Variants in PABPC1 observed in about 807,000 individuals in gnomAD.
PABPC1 encodes poly(A) binding protein cytoplasmic 1, also known as polyadenylate-binding protein 1.
In PABPC1, 4 loss-of-function variants were observed where a neutral mutation model predicts 74.0. The observed-to-expected ratio is 0.05, with a 90% confidence interval of 0.03 to 0.12. PABPC1 has a LOEUF of 0.12. Among genes scored for constraint, PABPC1 ranks in the 10% least tolerant of loss-of-function variants. PABPC1 has a pLI of 1.00. For missense variants in PABPC1, 271 were observed against 821.1 expected, an observed-to-expected ratio of 0.33 and a Z score of 8.19; for synonymous variants, 227 against 264.1, an observed-to-expected ratio of 0.86 and a Z score of 1.36.
At chr8:100,709,894 A>G in intron 7 of PABPC1, 163 bp from the exon 8 acceptor site, 1 of 791,328 alleles carries the variant, frequency 1.3e-6, no homozygotes, top group Non-Finnish European at 1.9e-6. Flanking sequence ...TTTCCTTAAT[A>G]CCCAATTATT....
chr8:100,720,665 G>A (rs1587172650), intron 1 of PABPC1, among the ~76,000 whole-genome samples: 1 of 152,198 alleles, frequency 6.6e-6, no homozygotes, highest in African/African-American at 2.4e-5. Context: ...AAAGTGGTCG[G>A]CTGCCACATC....
At chr8:100,715,308 G>T (rs1326129164) in intron 4 of PABPC1, among the ~76,000 whole-genome samples, 154 bp downstream of exon 4, 1 of 152,186 alleles carries the variant, frequency 6.6e-6, no homozygotes, top group Non-Finnish European at 1.5e-5. Flanking sequence ...TAGTGTAATA[G>T]ATGGCCAGCA....
intron 4 of PABPC1, among the ~76,000 whole-genome samples, chr8:100,713,967 G>A (rs1810597679): frequency 6.6e-6 from 1 of 152,200 alleles, no homozygotes; most frequent in Non-Finnish European, 1.5e-5. Context: ...CTACCTGGAA[G>A]AGGAAGCATT....
intron 11 of PABPC1, among the ~76,000 whole-genome samples, chr8:100,706,259 A>G (rs910475535): frequency 1.3e-5 from 2 of 152,256 alleles, no homozygotes; most frequent in Admixed American, 6.5e-5. Flanking sequence ...CTATCATATT[A>G]GCAGAATGTT....
chr8:100,713,232 T>A (rs369758434), intron 4 of PABPC1, 51 bp from the exon 5 acceptor site: 1 of 1,072,734 alleles, frequency 9.3e-7, no homozygotes, highest in African/African-American at 1.6e-5. Context: ...ACATTCACGT[T>A]ATACATTTCA....
chr8:100,705,072 T>C lies in PABPC1; in HGVS notation c.1688-16A>G. 2 of 1,597,030 alleles carry C rather than the reference T, an allele frequency of 1.3e-6. No individual in the cohort carries two copies. Among genetic ancestry groups the C allele is most frequent in the Non-Finnish European group, 1.7e-6 (2 of 1,174,062 alleles). On this transcript the variant is annotated splice_polypyrimidine_tract_variant and intron_variant, in intron 12 of 14. Transcript: ENST00000318607. ...AGCCGTTCACCTAGGAACAGAAACATTCAAAAACTCCCTTCAATAAAAAAA... is the reference window on the plus strand; with the variant it reads ...AGCCGTTCACCTAGGAACAGAAACACTCAAAAACTCCCTTCAATAAAAAAA...
At chr8:100,710,681 A>G (rs554113406) in intron 7 of PABPC1, among the ~76,000 whole-genome samples, 59 of 152,336 alleles carry the variant, frequency 3.9e-4, no homozygotes, top group African/African-American at 1.4e-3. Flanking sequence ...CGAAGAAAAT[A>G]TTTCCAATAT....
chr8:100,705,689 G>C lies in PABPC1; in HGVS notation c.1603-16C>G. 6.5e-7 allele frequency: 1 copy of C among 1,549,354 alleles called. No homozygotes were observed. Among genetic ancestry groups the C allele is most frequent in the Non-Finnish European group, 8.9e-7 (1 of 1,122,090 alleles). On this transcript the variant is annotated splice_polypyrimidine_tract_variant and intron_variant, in intron 11 of 14. Transcript: ENST00000318607. ...GAACAGCAGGCTAGACAGAAAATGA[G>C]AACTCTTAAGTTTAAAGCACAGAAA... is the stretch of plus-strand genomic sequence containing the variant.
At chr8:100,719,388 G>GTTT (rs34795139) in intron 1 of PABPC1, among the ~76,000 whole-genome samples, 119 of 142,272 alleles carry the variant, frequency 8.4e-4, no homozygotes, top group East Asian at 1.4e-3. Context: ...AGCTTCCCTA[G>GTTT]TTTTTTTTTT....
At chr8:100,720,366 G>A (rs570933047) in intron 1 of PABPC1, among the ~76,000 whole-genome samples, 14 of 152,178 alleles carry the variant, frequency 9.2e-5, no homozygotes, top group African/African-American at 2.9e-4. Flanking sequence ...TTTAATCTCC[G>A]TTATTTTGTA....
At chr8:100,715,829 C>A (rs1464921651) in intron 3 of PABPC1, among the ~76,000 whole-genome samples, 2 of 152,120 alleles carry the variant, frequency 1.3e-5, no homozygotes, top group Admixed American at 6.5e-5. Flanking sequence ...TTAATACACA[C>A]TTCTCTTCTC....
intron 11 of PABPC1, among the ~76,000 whole-genome samples, 161 bp downstream of exon 11, chr8:100,706,487 ATGT>A (rs2129677193): frequency 6.6e-6 from 1 of 150,750 alleles, no homozygotes; most frequent in South Asian, 2.1e-4. Flanking sequence ...AGGGTCCTGT[ATGT>A]TGCCCAGGCT....
chr8:100,704,500 A>G (rs1413793481), intron 13 of PABPC1, 110 bp from the exon 14 acceptor site: 23 of 938,628 alleles, frequency 2.5e-5, no homozygotes, highest in Non-Finnish European at 1.0e-5. Flanking sequence ...CCCTCAAATG[A>G]AAGTATAAAT....
At position 100,712,805 on chromosome 8, in the gene PABPC1, A is replaced by G. The variant is rs749997396; in HGVS notation, c.739-16T>C. Reference sequence around the variant, plus strand: ...CATCCACAGCCTTCCCCCCAAAAAAAAAGAAAAAAAAAAAATCACAAAACT... The same window carrying G: ...CATCCACAGCCTTCCCCCCAAAAAAGAAGAAAAAAAAAAAATCACAAAACT... On this transcript the variant is annotated splice_polypyrimidine_tract_variant and intron_variant, in intron 5 of 14. Coordinates refer to ENST00000318607, the MANE Select transcript of PABPC1 (RefSeq NM_002568.4). The G allele has an allele frequency of 1.3e-6, 2 of 1,512,984 alleles. No individual in the cohort carries two copies. Among genetic ancestry groups the G allele is most frequent in the South Asian group, 2.5e-5 (2 of 81,448 alleles). 93.7% of individuals were successfully genotyped at this position (1,512,984 alleles called of 1,614,324 possible). A position where few individuals can be genotyped will look rare whatever the true frequency, so the allele number is the denominator to read the frequency against.
chr8:100,708,219 A>G lies in PABPC1; in HGVS notation c.1336+914T>C, dbSNP rs577527279. On this transcript the variant is annotated intron_variant, in intron 9 of 14. Transcript: ENST00000318607. ...TGGTTTGCCGCCCACACTTATAAAT[A>G]TACCTGAAACATAATCATGATAAAA... is the stretch of plus-strand genomic sequence containing the variant. 3.2e-4 allele frequency among the ~76,000 whole-genome samples: 49 copies of G among 152,334 alleles called. 1 individual carries two copies. Among genetic ancestry groups the G allele is most frequent in the Admixed American group, 2.7e-3 (42 of 15,302 alleles).
At position 100,708,193 on chromosome 8, in the gene PABPC1, G is replaced by C. The variant is rs2129688453; in HGVS notation, c.1336+940C>G. Among the ~76,000 whole-genome samples the C allele has an allele frequency of 4.6e-5, 7 of 152,274 alleles. No homozygotes were observed. The Middle Eastern group carries it at 0.024, about 518-fold the overall frequency. ...CTCGGTCTCTTGCCTTGGCACCTGG[G>C]TGGTTTGCCGCCCACACTTATAAAT... On this transcript the variant is annotated intron_variant, in intron 9 of 14. Transcript: ENST00000318607.
chr8:100,705,539 C>T (rs778800417), intron 12 of PABPC1, 50 bp downstream of exon 12: 2 of 1,136,768 alleles, frequency 1.8e-6, no homozygotes, highest in Non-Finnish European at 2.7e-6. Flanking sequence ...TAAGTGATTC[C>T]TATATTTTCT....
At chr8:100,714,151 T>C (rs1051644869) in intron 4 of PABPC1, among the ~76,000 whole-genome samples, 5 of 152,224 alleles carry the variant, frequency 3.3e-5, no homozygotes, top group African/African-American at 1.2e-4. Context: ...GCCTCTCTCC[T>C]GAGGCCAAAG....
At chr8:100,708,745 G>T (rs1188681512) in intron 9 of PABPC1, among the ~76,000 whole-genome samples, 1 of 152,018 alleles carries the variant, frequency 6.6e-6, no homozygotes, top group African/African-American at 2.4e-5. Context: ...GCGTGGTGGC[G>T]GGCACCTGTA....
Sources: allele counts gnomAD v4.1 joint callset (sites outside exome capture counted in the v4.1 genomes callset), GRCh38; gene constraint gnomAD v4.1.1; transcripts MANE v1.5; gene names NCBI Gene and HGNC (gene_info 2026-07-23, HGNC 2026-07-21).